The following SOCS7 variants were observed in gnomAD, a reference collection of about 807,000 sequenced individuals.
SOCS7 encodes suppressor of cytokine signaling 7.
A neutral mutation model predicts 58.9 loss-of-function variants in SOCS7; 18 were observed. That is an observed-to-expected ratio of 0.31 (90% confidence interval 0.21 to 0.45). The LOEUF (loss-of-function observed/expected upper bound fraction) is 0.45, where lower values mean the gene tolerates loss of function less well. SOCS7 is among the 20% of genes least tolerant of loss of function. The probability of loss-of-function intolerance (pLI) is 1.00; values close to 1 mark genes in which losing one functional copy is unlikely to be tolerated. For missense variants in SOCS7, 667 were observed against 837.3 expected, an observed-to-expected ratio of 0.80 and a Z score of 2.51; for synonymous variants, 388 against 364.3, an observed-to-expected ratio of 1.06 and a Z score of -0.74.
rs375541134 is a variant in SOCS7, at chr17:38,353,027, G to A, written c.975G>A (p.Ala325=). 1,608 of 1,585,938 alleles carry A rather than the reference G, an allele frequency of 1.0e-3. 2 individuals carry two copies. The highest frequency in any genetic ancestry group is 1.2e-3 in the Non-Finnish European group (1,455 of 1,167,816). ...MGGSAGRELD[A]GRKPKLTRTQ... ...GCTCTGCGGGCCGGGAGCTGGACGC[G>A]GGGAGGTGAGACCGGCCGGGGGCTG... Residue 325 remains alanine, a synonymous_variant, in exon 1 of 10, where the codon GCG becomes GCA. Transcript: ENST00000612932.
At chr17:38,357,684 G>T (rs1555566994) in intron 1 of SOCS7, among the ~76,000 whole-genome samples, 1 of 152,214 alleles carries the variant, frequency 6.6e-6, no homozygotes, top group Non-Finnish European at 1.5e-5. Context: ...GTTGGAAATG[G>T]CACAGGCTGG....
At chr17:38,389,900 C>CATATATATATATGTACATATATATATGT (rs1263290062) in intron 7 of SOCS7, among the ~76,000 whole-genome samples, 7 of 20,200 alleles carry the variant, frequency 3.5e-4, no homozygotes, top group South Asian at 3.2e-3. Flanking sequence ...TATATATATA[C>CATATATATATATGTACATATATATATGT]ACATATAGAG....
At position 38,395,360 on chromosome 17, in the gene SOCS7, A is replaced by G. The variant is rs773883789; in HGVS notation, c.1733A>G (p.Asn578Ser). ...QLLYPVSRFSNVKSLQHLCRF... is the reference protein window; with the variant it reads ...QLLYPVSRFSSVKSLQHLCRF... ...CTCTATCCAGTGTCCCGATTCAGCA[A>G]TGTCAAATCCCTCCAGCACCTTTGC... Residue 578 changes from asparagine to serine, a missense_variant, in exon 8 of 10, where the codon AAT becomes AGT. Asn to Ser is a conservative substitution (Grantham distance 46). Around this residue, in one of 9 missense-constraint regions of SOCS7, gnomAD observed 76 missense variants for 194.5 expected, o/e 0.39. Coordinates refer to ENST00000612932, the MANE Select transcript of SOCS7 (RefSeq NM_014598.4). 6.8e-6 allele frequency: 11 copies of G among 1,614,008 alleles called. No homozygotes were observed. The highest frequency in any genetic ancestry group is 1.6e-4 in the Middle Eastern group (1 of 6,084).
At chr17:38,392,055 C>T (rs2038179010) in intron 7 of SOCS7, among the ~76,000 whole-genome samples, 1 of 152,200 alleles carries the variant, frequency 6.6e-6, no homozygotes, top group African/African-American at 2.4e-5. Context: ...CGACTTCACC[C>T]TTACTCTTTT....
intron 6 of SOCS7, among the ~76,000 whole-genome samples, chr17:38,372,685 C>T (rs2037882453): frequency 6.6e-6 from 1 of 152,104 alleles, no homozygotes; most frequent in African/African-American, 2.4e-5. Flanking sequence ...GCTGGAAGTT[C>T]CCCTAAGAGG....
intron 7 of SOCS7, among the ~76,000 whole-genome samples, chr17:38,386,915 C>G (rs2038074412): frequency 6.7e-6 from 1 of 149,856 alleles, no homozygotes; most frequent in Admixed American, 6.7e-5. Flanking sequence ...GAAACCCCGT[C>G]TCTACTAAAA....
intron 5 of SOCS7, among the ~76,000 whole-genome samples, chr17:38,367,179 C>T (rs879779617): frequency 6.6e-6 from 1 of 152,068 alleles, no homozygotes; most frequent in Non-Finnish European, 1.5e-5. Flanking sequence ...ATTCTCCTGC[C>T]TCAGTCTCCT....
intron 7 of SOCS7, among the ~76,000 whole-genome samples, chr17:38,389,706 T>C (rs1045851607): frequency 6.7e-5 from 10 of 148,336 alleles, no homozygotes; most frequent in Admixed American, 5.5e-4. Flanking sequence ...TTTTTTTTTT[T>C]GCTTGTTATA....
At chr17:38,376,800 T>G (rs1036021744) in intron 6 of SOCS7, among the ~76,000 whole-genome samples, 4 of 152,178 alleles carry the variant, frequency 2.6e-5, no homozygotes, top group Non-Finnish European at 5.9e-5. Context: ...CTTATATGTG[T>G]ACACAGTCAT....
intron 9 of SOCS7, among the ~76,000 whole-genome samples, chr17:38,396,579 G>T (rs2038248006): frequency 6.6e-6 from 1 of 152,186 alleles, no homozygotes; most frequent in Admixed American, 6.5e-5. Flanking sequence ...TTGAAACTAA[G>T]GAATTCATTT....
In SOCS7 at chr17:38,404,591, T is replaced by G. The variant is rs1179745057; in HGVS notation, c.*5109T>G. 2 of 152,184 alleles carry G rather than the reference T, an allele frequency of 1.3e-5. No individual in the cohort carries two copies. Among genetic ancestry groups the G allele is most frequent in the African/African-American group, 4.8e-5 (2 of 41,422 alleles). 9.4% of individuals were successfully genotyped at this position (152,184 alleles called of 1,614,324 possible). A position where few individuals can be genotyped will look rare whatever the true frequency, so the allele number is the denominator to read the frequency against. On this transcript the variant is annotated 3_prime_UTR_variant, in exon 10 of 10. Coordinates refer to ENST00000612932, the MANE Select transcript of SOCS7 (RefSeq NM_014598.4). Reference sequence around the variant, plus strand: ...AGCAGCCAGCCACGGCGGGAAGACATGCATGTTTGGTTGCAGCTGGACTGC... The same window carrying G: ...AGCAGCCAGCCACGGCGGGAAGACAGGCATGTTTGGTTGCAGCTGGACTGC...
intron 7 of SOCS7, among the ~76,000 whole-genome samples, chr17:38,378,790 T>A (rs931204432): frequency 1.3e-5 from 2 of 152,188 alleles, no homozygotes; most frequent in Non-Finnish European, 2.9e-5. Context: ...GGGGATTGTT[T>A]GGAGCAATCT....
chr17:38,389,897 A>ATATATGTACATATATATATG (rs1400191697), intron 7 of SOCS7, among the ~76,000 whole-genome samples: 1 of 77,354 alleles, frequency 1.3e-5, no homozygotes, highest in Non-Finnish European at 2.2e-5. Flanking sequence ...ATATATATAT[A>ATATATGTACATATATATATG]TACACATATA....
intron 2 of SOCS7, among the ~76,000 whole-genome samples, chr17:38,362,950 T>C (rs1475175783): frequency 6.6e-6 from 1 of 152,064 alleles, no homozygotes; most frequent in Non-Finnish European, 1.5e-5. Context: ...CCGTCTCTAC[T>C]AAAAATACAA....
intron 7 of SOCS7, among the ~76,000 whole-genome samples, chr17:38,385,023 A>G (rs539021851): frequency 1.3e-5 from 2 of 150,588 alleles, no homozygotes; most frequent in South Asian, 2.1e-4. Flanking sequence ...CAGCCTCCCA[A>G]GTTGCTGGGA....
chr17:38,395,751 A>G lies in SOCS7; in HGVS notation c.1818-97A>G, dbSNP rs571480268. The G allele has an allele frequency of 1.8e-4, 227 of 1,273,282 alleles. 1 individual carries two copies. The African/African-American group carries it at 3.2e-3, about 18-fold the overall frequency. The allele number at this position is 1,273,282 out of a possible 1,614,324, so 78.9% of individuals were successfully genotyped here. Reference sequence around the variant, plus strand: ...AAAATGGGGATTGTGTTAGGTCTCAACCATGTAGGGAGTGAAGAAGAGTTG... The same window carrying G: ...AAAATGGGGATTGTGTTAGGTCTCAGCCATGTAGGGAGTGAAGAAGAGTTG... On this transcript the variant is annotated intron_variant, in intron 8 of 9. Coordinates refer to ENST00000612932, the MANE Select transcript of SOCS7 (RefSeq NM_014598.4).
chr17:38,375,139 G>A (rs1252850735), intron 6 of SOCS7, among the ~76,000 whole-genome samples: 1 of 152,150 alleles, frequency 6.6e-6, no homozygotes, highest in Non-Finnish European at 1.5e-5. Context: ...AGGATGCAGT[G>A]AGCTGTGATC....
chr17:38,386,930 G>T (rs1183963485), intron 7 of SOCS7, among the ~76,000 whole-genome samples: 3 of 150,004 alleles, frequency 2.0e-5, no homozygotes, highest in Admixed American at 1.3e-4. Context: ...CTAAAAAATA[G>T]AAAAAATTAG....
intron 2 of SOCS7, among the ~76,000 whole-genome samples, chr17:38,363,846 G>A (rs1374200045): frequency 2.0e-5 from 3 of 152,150 alleles, no homozygotes; most frequent in Admixed American, 1.3e-4. Flanking sequence ...AACACCGTAA[G>A]GGCTAAATTA....
Sources: gnomAD v4.1 joint callset for allele counts (sites outside exome capture counted in the v4.1 genomes callset) on GRCh38, gnomAD v4.1.1 for gene constraint, gnomAD v4.1.1 regional missense constraint, MANE v1.5 for transcripts, NCBI Gene and HGNC (gene_info 2026-07-23, HGNC 2026-07-21) for gene names.